SYTL2: variants seen among roughly 807,000 people sequenced by gnomAD.
SYTL2 encodes the protein synaptotagmin like 2.
SYTL2 carries 165 observed loss-of-function variants against 198.7 expected under a neutral mutation model. The observed-to-expected ratio is 0.83, with a 90% CI of 0.73 to 0.94. The LOEUF is 0.94. SYTL2 is among the 40% of genes least tolerant of loss of function. The probability of loss-of-function intolerance (pLI) is 0.00; values close to 1 mark genes in which losing one functional copy is unlikely to be tolerated. For synonymous variants in SYTL2, 966 were observed against 917.7 expected (o/e 1.05, Z -0.95); for missense variants, 2,835 against 2,582.8 (o/e 1.10, Z -2.12).
chr11:85,763,381 G>A (rs2092150556), intron 1 of SYTL2, among the ~76,000 whole-genome samples: 1 of 152,190 alleles, frequency 6.6e-6, no homozygotes, highest in Non-Finnish European at 1.5e-5. Flanking sequence ...TTAAGCTAGA[G>A]AGAAAAACTA....
Position 85,748,406 on chromosome 11 carries a change from A to T in SYTL2, c.119T>A (p.Ile40Asn). Residue 40 changes from isoleucine to asparagine, a missense_variant, in exon 3 of 20, where the codon ATT becomes AAT. Physicochemically the swap from Ile to Asn is moderately radical, Grantham distance 149 (BLOSUM62 -3). Transcript: ENST00000359152. The stretch of plus-strand genomic sequence containing the variant: ...ATTCTTCAGCTGCTGGTCATCCTTA[A>T]TTTTTTCAGGCAAATGTCTACAAAA... ...EERVRHLPEKIKDDQQLKNMS... is the reference protein window; with the variant it reads ...EERVRHLPEKNKDDQQLKNMS... 1.2e-6 allele frequency: 2 copies of T among 1,613,756 alleles called. No individual in the cohort carries two copies. Among genetic ancestry groups the T allele is most frequent in the Non-Finnish European group, 1.7e-6 (2 of 1,179,862 alleles).
chr11:85,726,889 A>G lies in SYTL2; in HGVS notation c.2469T>C (p.Ser823=), dbSNP rs528510028. 68 of 1,536,666 alleles carry G rather than the reference A, an allele frequency of 4.4e-5. 1 individual carries two copies. In the South Asian group the frequency reaches 7.1e-4, roughly 16 times the overall value. ...PTSSCSQEQP[S]AKAYQPVKKS... is the part of the protein sequence containing the mutation. ...TCTTCACAGGCTGATATGCTTTAGC[A>G]GAAGGTTGTTCCTGGCTACATGAAG... The change falls in exon 8 of 20, where the codon TCT becomes TCC. Residue 823 remains serine (S), a synonymous_variant. Transcript: ENST00000359152.
At chr11:85,767,884 C>A (rs1034579802) in intron 1 of SYTL2, among the ~76,000 whole-genome samples, 4 of 152,170 alleles carry the variant, frequency 2.6e-5, no homozygotes, top group Non-Finnish European at 5.9e-5. Context: ...CTAGCTTCTG[C>A]TCAAATCCAG....
rs968461998 is a variant in SYTL2 at position 85,694,409 on chromosome 11, T to G, written c.*786A>C. On this transcript the variant is annotated 3_prime_UTR_variant, in exon 20 of 20. Coordinates refer to ENST00000359152, the MANE Select transcript of SYTL2 (RefSeq NM_206927.4). ...ATTAAAACTTTGTTGCAAAACATGT[T>G]TGTGACTACTCTTATGCTGCTTTCA... is the stretch of plus-strand genomic sequence containing the variant. The G allele has an allele frequency of 1.3e-5, 2 of 152,242 alleles. No individual in the cohort carries two copies. Among genetic ancestry groups the G allele is most frequent in the African/African-American group, 4.8e-5 (2 of 41,460 alleles). The allele number at this position is 152,242 out of a possible 1,614,324, so 9.4% of individuals were successfully genotyped here.
intron 2 of SYTL2, among the ~76,000 whole-genome samples, chr11:85,752,483 G>A (rs763464611): frequency 4.6e-5 from 7 of 152,066 alleles, no homozygotes; most frequent in African/African-American, 1.4e-4. Context: ...ACATGATTTC[G>A]GTTTCTAAGA....
At chr11:85,700,419 T>G in intron 17 of SYTL2, 96 bp downstream of exon 17, 1 of 934,136 alleles carries the variant, frequency 1.1e-6, no homozygotes, top group East Asian at 2.4e-5. Context: ...CTTGATAAGT[T>G]TCTTTAGGGC....
chr11:85,792,350 T>A (rs1404613867), intron 1 of SYTL2, among the ~76,000 whole-genome samples: 1 of 152,068 alleles, frequency 6.6e-6, no homozygotes, highest in African/African-American at 2.4e-5. Context: ...AAGCCAAATG[T>A]CACTTGGCTT....
chr11:85,714,289 G>T, intron 12 of SYTL2, 124 bp downstream of exon 12: 1 of 727,490 alleles, frequency 1.4e-6, no homozygotes, highest in Non-Finnish European at 2.3e-6. Flanking sequence ...TGACTTGAAA[G>T]GCAAGGGCCA....
At chr11:85,803,393 C>T (rs904569064) in intron 1 of SYTL2, among the ~76,000 whole-genome samples, 4 of 152,136 alleles carry the variant, frequency 2.6e-5, no homozygotes, top group Non-Finnish European at 4.4e-5. Flanking sequence ...GGTCTTCTTG[C>T]CAGTTCTCCA....
chr11:85,823,028 A>G, the SYTL2 span, among the ~76,000 whole-genome samples: 971 of 152,352 alleles, frequency 6.4e-3, 6 homozygotes, highest in Non-Finnish European at 9.5e-3. Flanking sequence ...AGGCATTATC[A>G]TGGAACATTG....
At chr11:85,800,516 CA>C (rs1271986377) in intron 1 of SYTL2, among the ~76,000 whole-genome samples, 1 of 152,032 alleles carries the variant, frequency 6.6e-6, no homozygotes, top group African/African-American at 2.4e-5. Context: ...TGGGTTCAAG[CA>C]ATCCTCCCAC....
intron 17 of SYTL2, among the ~76,000 whole-genome samples, chr11:85,699,291 TGAG>T (rs2083889048): frequency 6.6e-6 from 1 of 152,040 alleles, no homozygotes; most frequent in Non-Finnish European, 1.5e-5. Flanking sequence ...TTTGGTAGGT[TGAG>T]GAGAAGAGGA....
upstream of SYTL2, among the ~76,000 whole-genome samples, chr11:85,813,739 CCTT>C (rs2093058208): frequency 7.3e-6 from 1 of 137,884 alleles, no homozygotes. Context: ...TTCCTTCCTT[CCTT>C]CCTTTTTTGG....
intron 1 of SYTL2, among the ~76,000 whole-genome samples, chr11:85,773,473 T>C (rs1324308759): frequency 1.3e-5 from 2 of 152,222 alleles, no homozygotes; most frequent in African/African-American, 2.4e-5. Context: ...TGTCGGAAGA[T>C]GAGTCTAGCC....
At chr11:85,821,280 A>C in the SYTL2 span, among the ~76,000 whole-genome samples, 1 of 152,238 alleles carries the variant, frequency 6.6e-6, no homozygotes, top group African/African-American at 2.4e-5. Context: ...TCTTCAGTTT[A>C]GAGCATCTTA....
chr11:85,836,053 G>T, the SYTL2 span, among the ~76,000 whole-genome samples: 1 of 152,088 alleles, frequency 6.6e-6, no homozygotes, highest in African/African-American at 2.4e-5. Context: ...TGTCACCTGC[G>T]GAGGGTAGCT....
chr11:85,749,794 C>T (rs2153530482), intron 2 of SYTL2, among the ~76,000 whole-genome samples: 1 of 152,320 alleles, frequency 6.6e-6, no homozygotes, highest in South Asian at 2.1e-4. Context: ...TTGCCTTCTC[C>T]TCCCAAAAGG....
intron 1 of SYTL2, among the ~76,000 whole-genome samples, chr11:85,767,371 C>G (rs2092263925): frequency 6.6e-6 from 1 of 152,090 alleles, no homozygotes; most frequent in Non-Finnish European, 1.5e-5. Context: ...TTTCACAGCA[C>G]CCCTAAAAGC....
intron 1 of SYTL2, among the ~76,000 whole-genome samples, chr11:85,778,049 C>A (rs2092487449): frequency 6.6e-6 from 1 of 152,000 alleles, no homozygotes; most frequent in African/African-American, 2.4e-5. Flanking sequence ...CAACGCCTGA[C>A]CTCAGGTGAT....
Sources: allele counts gnomAD v4.1 joint callset (sites outside exome capture counted in the v4.1 genomes callset), GRCh38; gene constraint gnomAD v4.1.1; transcripts MANE v1.5; gene names NCBI Gene and HGNC (gene_info 2026-07-23, HGNC 2026-07-21).